Variants in KDM3A observed in about 807,000 individuals in gnomAD.
KDM3A encodes lysine demethylase 3A, also known as lysine-specific demethylase 3A.
KDM3A carries 60 observed loss-of-function variants against 158.0 expected under a neutral mutation model. The observed-to-expected ratio is 0.38, with a 90% CI of 0.31 to 0.47. The LOEUF (loss-of-function observed/expected upper bound fraction) is 0.47, where lower values mean the gene tolerates loss of function less well. Ranked by LOEUF, KDM3A falls within the 20% of genes least tolerant of loss-of-function variation. The pLI is 0.99. For synonymous variants in KDM3A, 608 were observed against 549.3 expected (o/e 1.11, Z -1.49); for missense variants, 1,319 against 1,574.3 (o/e 0.84, Z 2.74).
intron 21 of KDM3A, chr2:86,487,390 C>CT (rs1674231932): frequency 6.6e-6 from 1 of 152,172 alleles, no homozygotes; most frequent in African/African-American, 2.4e-5. Context: ...AAAGAGTGGT[C>CT]TTTTCAAAGG....
chr2:86,477,649 A>G (rs1407693939), intron 12 of KDM3A, among the ~76,000 whole-genome samples: 1 of 152,106 alleles, frequency 6.6e-6, no homozygotes. Flanking sequence ...GTGCCTGAAT[A>G]CATAAAGTGA....
intron 10 of KDM3A, 127 bp downstream of exon 10, chr2:86,467,010 TGAAA>T (rs1272532921): frequency 1.9e-5 from 15 of 783,896 alleles, no homozygotes; most frequent in Non-Finnish European, 2.5e-5. Context: ...TCAGAAAAGT[TGAAA>T]GAAGGTATAA....
chr2:86,489,672 T>C lies in KDM3A; in HGVS notation c.3573+13T>C, dbSNP rs1226033685. ...ATTTCTTAAAAAGGTGTGCTGCTTA[T>C]GGCATGTGTGAACAGAGGCATAAGG... On this transcript the variant is annotated intron_variant, in intron 23 of 25. Transcript: ENST00000312912. The C allele has an allele frequency of 1.2e-6, 2 of 1,604,578 alleles. No individual in the cohort carries two copies. Among genetic ancestry groups the C allele is most frequent in the Non-Finnish European group, 1.7e-6 (2 of 1,175,756 alleles).
chr2:86,478,274 T>C lies in KDM3A; in HGVS notation c.2188+9T>C, dbSNP rs776703099. ...GATCATTCCTGGAAAAGGTATTTCA[T>C]GTGCTGCAGTGATTTTCTTTCCCCT... is the stretch of plus-strand genomic sequence containing the variant. On this transcript the variant is annotated intron_variant, in intron 14 of 25. Transcript: ENST00000312912. 7 of 1,582,424 alleles carry C rather than the reference T, an allele frequency of 4.4e-6. No homozygotes were observed. Among genetic ancestry groups the C allele is most frequent in the Non-Finnish European group, 3.5e-6 (4 of 1,151,682 alleles).
intron 8 of KDM3A, among the ~76,000 whole-genome samples, chr2:86,461,130 G>A (rs1482132910): frequency 6.6e-6 from 1 of 152,138 alleles, no homozygotes; most frequent in Non-Finnish European, 1.5e-5. Context: ...TACTTCATGG[G>A]AAGAAAGTGC....
Position 86,464,077 on chromosome 2 carries a change from C to G in KDM3A, c.868C>G (p.Gln290Glu), listed in dbSNP as rs754299435. Reference sequence around the variant, plus strand: ...GGCCTCTCCCAGTATGTGTCCTGTGCAGTCTGTACCTACAACAGTTTTTAA... The same window carrying G: ...GGCCTCTCCCAGTATGTGTCCTGTGGAGTCTGTACCTACAACAGTTTTTAA... ...SEASPSMCPV[Q>E]SVPTTVFKEI... The change falls in exon 9 of 26, where the codon CAG becomes GAG. Residue 290 changes from glutamine (Q) to glutamate (E), a missense_variant. By Grantham distance (29) the Gln-to-Glu change is conservative. Around this residue, in one of 4 missense-constraint regions of KDM3A, gnomAD observed 652 missense variants for 627.2 expected, o/e 1.04. Coordinates refer to ENST00000312912, the MANE Select transcript of KDM3A (RefSeq NM_018433.6). 7 of 1,608,410 alleles carry G rather than the reference C, an allele frequency of 4.4e-6. No homozygotes were observed. In the South Asian group the frequency reaches 7.7e-5, roughly 18 times the overall value.
At chr2:86,468,168 T>C (rs141672414) in intron 10 of KDM3A, among the ~76,000 whole-genome samples, 193 of 152,348 alleles carry the variant, frequency 1.3e-3, no homozygotes, top group African/African-American at 4.5e-3. Flanking sequence ...TGCGAATCTT[T>C]TTAGTATAGC....
At chr2:86,476,070 A>G (rs1673646612) in intron 12 of KDM3A, among the ~76,000 whole-genome samples, 1 of 152,210 alleles carries the variant, frequency 6.6e-6, no homozygotes, top group South Asian at 2.1e-4. Flanking sequence ...CTCTAAGTCA[A>G]GAGTCTTATT....
intron 12 of KDM3A, among the ~76,000 whole-genome samples, chr2:86,475,954 C>G (rs1027921160): frequency 1.3e-5 from 2 of 152,136 alleles, no homozygotes; most frequent in Non-Finnish European, 2.9e-5. Context: ...CTAGGTCATT[C>G]CCAGCTCTAG....
intron 15 of KDM3A, chr2:86,479,599 T>G (rs1223305433): frequency 6.6e-6 from 1 of 152,204 alleles, no homozygotes; most frequent in Non-Finnish European, 1.5e-5. Flanking sequence ...TTTTTCCTCC[T>G]TCTTATGTAT....
At chr2:86,442,492 G>A (rs1682773701) in intron 2 of KDM3A, 2 of 398,526 alleles carry the variant, frequency 5.0e-6, no homozygotes, top group South Asian at 3.3e-5. Flanking sequence ...CCGGTGCTGT[G>A]TCCCACCAGG....
intron 23 of KDM3A, chr2:86,489,893 A>C (rs1252464399): frequency 2.5e-6 from 1 of 407,348 alleles, no homozygotes; most frequent in East Asian, 3.7e-5. Flanking sequence ...GTTTTGTGTT[A>C]GAGTGCATTT....
chr2:86,474,922 A>G lies in KDM3A; in HGVS notation c.1871A>G (p.Asn624Ser), dbSNP rs1339857975. The change falls in exon 12 of 26, where the codon AAC becomes AGC. Residue 624 changes from asparagine to serine, a missense_variant. Physicochemically the swap from Asn to Ser is conservative, Grantham distance 46 (BLOSUM62 1). Coordinates refer to ENST00000312912, the MANE Select transcript of KDM3A (RefSeq NM_018433.6). ...DLDTAKYILA[N>S]IGDHFCQMVI... ...GACACAGCAAAGTACATCTTGGCCA[A>G]CATTGGAGACCACTTCTGTCAAATG... 6.2e-7 allele frequency: 1 copy of G among 1,614,130 alleles called. No homozygotes were observed. Among genetic ancestry groups the G allele is most frequent in the Non-Finnish European group, 8.5e-7 (1 of 1,180,024 alleles).
At chr2:86,463,568 T>C (rs1015077795) in intron 8 of KDM3A, among the ~76,000 whole-genome samples, 1 of 152,230 alleles carries the variant, frequency 6.6e-6, no homozygotes, top group African/African-American at 2.4e-5. Context: ...CCTCAACTTT[T>C]ATTGCATTGC....
At chr2:86,485,890 A>C (rs778214821) in intron 21 of KDM3A, 31 bp downstream of exon 21, 7 of 1,594,696 alleles carry the variant, frequency 4.4e-6, no homozygotes. Context: ...TTTAAAATGG[A>C]AATAAAACAA....
chr2:86,477,055 T>C (rs1478596065), intron 12 of KDM3A, among the ~76,000 whole-genome samples: 9 of 152,192 alleles, frequency 5.9e-5, no homozygotes, highest in African/African-American at 2.2e-4. Flanking sequence ...ATAACCTGGT[T>C]TGGTTCCCTG....
chr2:86,451,322 A>G (rs1451851710), intron 4 of KDM3A, 109 bp downstream of exon 4: 7 of 606,774 alleles, frequency 1.2e-5, no homozygotes, highest in Non-Finnish European at 1.9e-5. Context: ...ATGGATGCCT[A>G]CTCCTTGCAC....
At chr2:86,445,630 C>T (rs999788590) in intron 2 of KDM3A, among the ~76,000 whole-genome samples, 1 of 152,092 alleles carries the variant, frequency 6.6e-6, no homozygotes, top group Non-Finnish European at 1.5e-5. Context: ...CTGTATGTAC[C>T]ATTTCCTGCT....
At chr2:86,442,889 T>TA in intron 2 of KDM3A, among the ~76,000 whole-genome samples, 1 of 152,160 alleles carries the variant, frequency 6.6e-6, no homozygotes, top group East Asian at 1.9e-4. Flanking sequence ...GGCTTAGAAA[T>TA]ACTGCACTTG....
Sources: allele counts gnomAD v4.1 joint callset (sites outside exome capture counted in the v4.1 genomes callset), GRCh38; gene constraint gnomAD v4.1.1; regional missense constraint gnomAD v4.1.1; transcripts MANE v1.5; gene names NCBI Gene and HGNC (gene_info 2026-07-23, HGNC 2026-07-21).